The following MTHFD2L variants were observed in gnomAD, a reference collection of about 807,000 sequenced individuals.
The protein encoded by MTHFD2L is methylenetetrahydrofolate dehydrogenase (NADP+ dependent) 2 like.
MTHFD2L carries 29 observed loss-of-function variants against 34.9 expected under a neutral mutation model. That is an observed-to-expected ratio of 0.83 (90% CI 0.62 to 1.13). The LOEUF is 1.13. MTHFD2L is among the 50% of genes most tolerant of loss of function. MTHFD2L has a pLI of 0.00. For synonymous variants in MTHFD2L, 167 were observed against 155.7 expected, an observed-to-expected ratio of 1.07 and a Z score of -0.54; for missense variants, 481 against 446.5, an observed-to-expected ratio of 1.08 and a Z score of -0.70.
At chr4:74,198,579 T>TATC (rs1733883127) in intron 3 of MTHFD2L, among the ~76,000 whole-genome samples, 1 of 152,154 alleles carries the variant, frequency 6.6e-6, no homozygotes, top group South Asian at 2.1e-4. Context: ...AAAAATGACT[T>TATC]ATCATCATCA....
chr4:74,285,085 C>T (rs1747991688), intron 7 of MTHFD2L, among the ~76,000 whole-genome samples: 1 of 151,750 alleles, frequency 6.6e-6, no homozygotes, highest in Non-Finnish European at 1.5e-5. Context: ...CAAACTATCG[C>T]AAGGACAAAA....
intron 6 of MTHFD2L, among the ~76,000 whole-genome samples, chr4:74,246,427 T>C (rs1213461060): frequency 2.0e-5 from 3 of 151,944 alleles, no homozygotes; most frequent in Non-Finnish European, 2.9e-5. Context: ...ATTTTGTAGG[T>C]TGCCTGTTCA....
In MTHFD2L at chr4:74,199,951, G is replaced by A; in HGVS notation, c.604+5G>A. ...GGGAAATAATAAAAAGAACAGGTTG[G>A]TAATTTGTGGTCTGCAGGACATGGA... On this transcript the variant is annotated splice_donor_5th_base_variant and intron_variant, in intron 4 of 7. Coordinates refer to ENST00000325278, the MANE Select transcript of MTHFD2L (RefSeq NM_001144978.3). The A allele has an allele frequency of 1.9e-6, 3 of 1,613,764 alleles. No homozygotes were observed. The highest frequency in any genetic ancestry group is 2.5e-6 in the Non-Finnish European group (3 of 1,179,862).
At chr4:74,249,053 G>A (rs1742919966) in intron 6 of MTHFD2L, among the ~76,000 whole-genome samples, 1 of 152,116 alleles carries the variant, frequency 6.6e-6, no homozygotes, top group African/African-American at 2.4e-5. Flanking sequence ...TTTCTGTCTT[G>A]TTGATCTGTC....
At chr4:74,130,171 G>A (rs772939171) in intron 1 of MTHFD2L, among the ~76,000 whole-genome samples, 1 of 152,050 alleles carries the variant, frequency 6.6e-6, no homozygotes, top group Non-Finnish European at 1.5e-5. Flanking sequence ...AGAGGAGATG[G>A]TACCATTCCT....
At chr4:74,251,206 A>C (rs1017370524) in intron 6 of MTHFD2L, among the ~76,000 whole-genome samples, 2 of 152,204 alleles carry the variant, frequency 1.3e-5, no homozygotes, top group African/African-American at 4.8e-5. Context: ...CAAAATCATT[A>C]GATACATTCA....
intron 3 of MTHFD2L, among the ~76,000 whole-genome samples, chr4:74,189,019 T>C (rs1468621285): frequency 9.2e-5 from 14 of 151,952 alleles, no homozygotes; most frequent in African/African-American, 3.4e-4. Flanking sequence ...TTACATCTGT[T>C]TGGAGCAGGA....
At chr4:74,277,426 G>A (rs980015828) in intron 6 of MTHFD2L, among the ~76,000 whole-genome samples, 3 of 151,962 alleles carry the variant, frequency 2.0e-5, no homozygotes, top group African/African-American at 7.2e-5. Flanking sequence ...ATGCCCCATT[G>A]TAGTTACTAG....
chr4:74,258,516 G>A (rs949014783), intron 6 of MTHFD2L, among the ~76,000 whole-genome samples: 5 of 152,032 alleles, frequency 3.3e-5, no homozygotes, highest in African/African-American at 9.7e-5. Flanking sequence ...ATTCTTGGAT[G>A]TGAAACCAAC....
At chr4:74,266,657 C>T (rs991816578) in intron 6 of MTHFD2L, among the ~76,000 whole-genome samples, 13 of 152,120 alleles carry the variant, frequency 8.5e-5, no homozygotes, top group African/African-American at 3.1e-4. Context: ...TCGAACTCAA[C>T]CCTTCCATTT....
At chr4:74,143,538 C>CGTG in intron 1 of MTHFD2L, 1 of 575,020 alleles carries the variant, frequency 1.7e-6, no homozygotes, top group Non-Finnish European at 2.2e-6. Context: ...TCCCTGGAAC[C>CGTG]CATGTCAGCC....
chr4:74,171,554 G>C (rs1727993941), intron 1 of MTHFD2L, among the ~76,000 whole-genome samples: 1 of 152,192 alleles, frequency 6.6e-6, no homozygotes, highest in South Asian at 2.1e-4. Context: ...TGTAGTCCCA[G>C]CATTTTGGGA....
At chr4:74,136,505 C>T (rs534691980) in intron 1 of MTHFD2L, among the ~76,000 whole-genome samples, 11 of 152,034 alleles carry the variant, frequency 7.2e-5, no homozygotes, top group East Asian at 5.8e-4. Context: ...AAATATTCTC[C>T]GCTCATGGAT....
At chr4:74,196,017 G>A (rs939951080) in intron 3 of MTHFD2L, among the ~76,000 whole-genome samples, 2 of 152,022 alleles carry the variant, frequency 1.3e-5, no homozygotes, top group Non-Finnish European at 2.9e-5. Context: ...GATTTTGGGG[G>A]CCCAAGATTT....
chr4:74,179,795 T>C (rs1729775105), intron 3 of MTHFD2L, among the ~76,000 whole-genome samples: 1 of 152,110 alleles, frequency 6.6e-6, no homozygotes, highest in Admixed American at 6.6e-5. Flanking sequence ...TTAACATAGA[T>C]TAAAAGCTTT....
intron 3 of MTHFD2L, among the ~76,000 whole-genome samples, chr4:74,198,708 A>G (rs1418169159): frequency 6.6e-6 from 1 of 152,122 alleles, no homozygotes; most frequent in Non-Finnish European, 1.5e-5. Context: ...TATAGAGAAA[A>G]TAGATGGAGG....
chr4:74,172,313 A>G (rs917597668), intron 1 of MTHFD2L, among the ~76,000 whole-genome samples: 5 of 152,228 alleles, frequency 3.3e-5, no homozygotes, highest in Non-Finnish European at 7.3e-5. Flanking sequence ...AAACTTGTAC[A>G]TGTTAAATAT....
chr4:74,209,836 C>T (rs561003268), intron 5 of MTHFD2L, among the ~76,000 whole-genome samples: 10 of 152,320 alleles, frequency 6.6e-5, no homozygotes, highest in African/African-American at 2.4e-4. Flanking sequence ...TCCTATTTCT[C>T]CACATCTTCT....
intron 3 of MTHFD2L, chr4:74,183,125 G>A (rs1730501187): frequency 6.6e-6 from 1 of 151,890 alleles, no homozygotes; most frequent in Non-Finnish European, 1.5e-5. Context: ...GGTTGGGGGA[G>A]GGCATTACAT....
Sources: gnomAD v4.1 joint callset for allele counts (sites outside exome capture counted in the v4.1 genomes callset) on GRCh38, gnomAD v4.1.1 for gene constraint, MANE v1.5 for transcripts, NCBI Gene and HGNC (gene_info 2026-07-23, HGNC 2026-07-21) for gene names.